Variants in CRPPA observed in about 807,000 individuals in gnomAD.
CRPPA encodes the protein D-ribitol-5-phosphate cytidylyltransferase.
A neutral mutation model predicts 52.0 loss-of-function variants in CRPPA; 43 were observed. The observed-to-expected ratio is 0.83, with a 90% CI of 0.65 to 1.07. The LOEUF (loss-of-function observed/expected upper bound fraction) is 1.07. Among genes scored for constraint, CRPPA ranks in the 50% least tolerant of loss-of-function variants. The pLI is 0.00. For synonymous variants in CRPPA, 250 were observed against 203.5 expected (o/e 1.23, Z -1.94); for missense variants, 629 against 551.7 (o/e 1.14, Z -1.40).
chr7:16,259,003 C>T lies in CRPPA; in HGVS notation c.943G>A (p.Val315Ile). 1 of 1,607,324 alleles carries T rather than the reference C, an allele frequency of 6.2e-7. No homozygotes were observed. The highest frequency in any genetic ancestry group is 8.5e-7 in the Non-Finnish European group (1 of 1,176,226). The change falls in exon 7 of 10, where the codon GTC (valine) becomes ATC (isoleucine). Residue 315 changes from valine (V) to isoleucine (I), a missense_variant. Coordinates refer to ENST00000407010, the MANE Select transcript of CRPPA (RefSeq NM_001101426.4). ...GCATGACCCAGAGCCTCAGATGTGA[C>T]TTTTACATGCTAGTAGGAAAAAACA... ...VLKSELNHVK[V>I]TSEALGHAGR...
intron 9 of CRPPA, among the ~76,000 whole-genome samples, chr7:16,170,946 G>A (rs1455644224): frequency 3.3e-5 from 5 of 152,138 alleles, no homozygotes; most frequent in South Asian, 2.1e-4. Context: ...TCCTGCCTGC[G>A]CCTCTCCCTC....
chr7:16,100,301 T>A (rs1003829026), intron 9 of CRPPA, among the ~76,000 whole-genome samples: 4 of 152,224 alleles, frequency 2.6e-5, no homozygotes, highest in African/African-American at 9.6e-5. Context: ...ATCAGTAATT[T>A]ATGTTATCAT....
chr7:16,271,468 A>T (rs1241230713), intron 6 of CRPPA, among the ~76,000 whole-genome samples: 1 of 152,170 alleles, frequency 6.6e-6, no homozygotes, highest in African/African-American at 2.4e-5. Flanking sequence ...CGGTAACAGT[A>T]GAAGTGGTAA....
chr7:16,215,013 G>T (rs879145806), intron 9 of CRPPA, among the ~76,000 whole-genome samples: 2 of 152,150 alleles, frequency 1.3e-5, no homozygotes, highest in Non-Finnish European at 2.9e-5. Flanking sequence ...GCATATTTTG[G>T]AAGCAGAGGA....
chr7:16,406,076 A>C lies in CRPPA; in HGVS notation c.519T>G (p.Ala173=). Residue 173 remains alanine (A), a synonymous_variant, in exon 2 of 10, where the codon GCT becomes GCG. Transcript: ENST00000407010. The stretch of plus-strand genomic sequence containing the variant: ...AAAGACTTACCCCGTGTTCCTTAGC[A>C]GCTGTGACAACTTTAAGAAGGACAC... ...EEGVLLKVVT[A]AKEHGAAGAI... 6.2e-7 allele frequency: 1 copy of C among 1,613,552 alleles called. No individual in the cohort carries two copies. The highest frequency in any genetic ancestry group is 8.5e-7 in the Non-Finnish European group (1 of 1,179,598).
intron 3 of CRPPA, among the ~76,000 whole-genome samples, chr7:16,323,240 G>A (rs1442660462): frequency 2.6e-5 from 4 of 152,178 alleles, no homozygotes; most frequent in African/African-American, 4.8e-5. Flanking sequence ...GGGATATTAT[G>A]CAGCATATTT....
chr7:16,135,744 C>A (rs1782751766), intron 9 of CRPPA, among the ~76,000 whole-genome samples: 1 of 152,060 alleles, frequency 6.6e-6, no homozygotes, highest in Non-Finnish European at 1.5e-5. Flanking sequence ...TACTTCTTGC[C>A]CAGTCAGTAC....
At chr7:16,368,800 A>T (rs1786674605) in intron 3 of CRPPA, among the ~76,000 whole-genome samples, 1 of 152,148 alleles carries the variant, frequency 6.6e-6, no homozygotes, top group Non-Finnish European at 1.5e-5. Context: ...GCTGCAAATC[A>T]CCAACCTTAC....
intron 3 of CRPPA, among the ~76,000 whole-genome samples, chr7:16,343,370 G>A (rs1785922794): frequency 6.6e-6 from 1 of 151,988 alleles, no homozygotes; most frequent in Non-Finnish European, 1.5e-5. Flanking sequence ...AATCTGAAGG[G>A]AGCCTTGAAA....
chr7:16,232,634 G>T (rs1457786301), intron 8 of CRPPA, among the ~76,000 whole-genome samples: 1 of 152,042 alleles, frequency 6.6e-6, no homozygotes, highest in Non-Finnish European at 1.5e-5. Context: ...TATAAAGAAG[G>T]GTCTTCCCTC....
chr7:16,225,274 A>G (rs994325838), intron 8 of CRPPA, among the ~76,000 whole-genome samples: 2 of 152,036 alleles, frequency 1.3e-5, no homozygotes, highest in African/African-American at 4.8e-5. Flanking sequence ...CCTAACTTCA[A>G]AAGTATTTTA....
chr7:16,139,730 A>T (rs1415324564), intron 9 of CRPPA, among the ~76,000 whole-genome samples: 1 of 152,170 alleles, frequency 6.6e-6, no homozygotes, highest in Non-Finnish European at 1.5e-5. Context: ...ATCGATCAAT[A>T]AAGGAAGAAA....
At chr7:16,170,672 G>A (rs1195817835) in intron 9 of CRPPA, among the ~76,000 whole-genome samples, 4 of 152,168 alleles carry the variant, frequency 2.6e-5, no homozygotes, top group African/African-American at 9.7e-5. Context: ...GGGGAGAGAG[G>A]GAGCAGGCTC....
intron 9 of CRPPA, among the ~76,000 whole-genome samples, chr7:16,186,448 C>A (rs1371757189): frequency 6.6e-6 from 1 of 152,122 alleles, no homozygotes; most frequent in Non-Finnish European, 1.5e-5. Flanking sequence ...CATGCTGGCA[C>A]CCTATCTTAG....
chr7:16,305,427 A>G (rs1403234178), intron 4 of CRPPA, among the ~76,000 whole-genome samples: 1 of 152,192 alleles, frequency 6.6e-6, no homozygotes, highest in African/African-American at 2.4e-5. Flanking sequence ...TTCAAATCTC[A>G]TTCATAAGAG....
intron 9 of CRPPA, among the ~76,000 whole-genome samples, chr7:16,143,824 G>A (rs909358757): frequency 5.3e-5 from 8 of 152,148 alleles, no homozygotes; most frequent in Non-Finnish European, 1.2e-4. Flanking sequence ...GTCCTGCCAA[G>A]TGGTAACCAA....
chr7:16,258,855 C>T, intron 7 of CRPPA, 65 bp downstream of exon 7: 3 of 937,632 alleles, frequency 3.2e-6, no homozygotes, highest in Non-Finnish European at 4.8e-6. Flanking sequence ...ATTTAAGAAT[C>T]AAATTAGTTC....
At chr7:16,183,581 C>A (rs1003730884) in intron 9 of CRPPA, among the ~76,000 whole-genome samples, 2 of 152,270 alleles carry the variant, frequency 1.3e-5, no homozygotes, top group Middle Eastern at 3.4e-3. Context: ...GGCCTTATAA[C>A]TATAACTAGT....
rs1357144108 is a variant in CRPPA at position 16,421,424 on chromosome 7, G to A, written c.-102C>T. On this transcript the variant is annotated 5_prime_UTR_variant, in exon 1 of 10. Transcript: ENST00000407010. The stretch of plus-strand genomic sequence containing the variant: ...CGCGGGGCGAAGGGCAGACCACGGA[G>A]AGGGACGCAGAGCGCGCAAGCAGAA... 10 of 1,116,340 alleles carry A rather than the reference G, an allele frequency of 9.0e-6. No homozygotes were observed. In the African/African-American group the frequency reaches 1.1e-4, roughly 13 times the overall value. 69.2% of individuals were successfully genotyped at this position (1,116,340 alleles called of 1,614,324 possible).
Sources: gnomAD v4.1 joint callset for allele counts (sites outside exome capture counted in the v4.1 genomes callset) on GRCh38, gnomAD v4.1.1 for gene constraint, MANE v1.5 for transcripts, NCBI Gene and HGNC (gene_info 2026-07-23, HGNC 2026-07-21) for gene names.